Variants in BBOF1 observed in about 807,000 individuals in gnomAD.
BBOF1 encodes basal body orientation factor 1.
BBOF1 carries 62 observed loss-of-function variants against 68.0 expected under a neutral mutation model. The observed-to-expected ratio is 0.91, with a 90% CI of 0.74 to 1.13. The LOEUF (loss-of-function observed/expected upper bound fraction) is 1.13. Ranked by LOEUF, BBOF1 falls within the 50% of genes most tolerant of loss-of-function variation. The probability of loss-of-function intolerance (pLI) is 0.00; values close to 1 mark genes in which losing one functional copy is unlikely to be tolerated. For missense variants in BBOF1, 534 were observed against 600.1 expected (o/e 0.89, Z 1.15); for synonymous variants, 208 against 198.8 (o/e 1.05, Z -0.39).
At chr14:74,040,010 A>T (rs564444893) in intron 4 of BBOF1, among the ~76,000 whole-genome samples, 55 of 151,914 alleles carry the variant, frequency 3.6e-4, no homozygotes, top group South Asian at 1.0e-3. Flanking sequence ...ATATATATAT[A>T]TTTTTTGAGA....
intron 1 of BBOF1, among the ~76,000 whole-genome samples, chr14:74,020,629 G>A (rs1013892114): frequency 6.6e-6 from 1 of 151,930 alleles, no homozygotes; most frequent in Admixed American, 6.6e-5. Context: ...TCAGCCTCCC[G>A]AGTAGCTGTG....
chr14:74,066,499 T>C (rs568761816), downstream of BBOF1, among the ~76,000 whole-genome samples: 1 of 152,254 alleles, frequency 6.6e-6, no homozygotes, highest in African/African-American at 2.4e-5. Flanking sequence ...TTATGGAAAG[T>C]CTGCAGACTG....
intron 1 of BBOF1, among the ~76,000 whole-genome samples, chr14:74,019,952 G>A (rs776007848): frequency 1.3e-5 from 2 of 152,172 alleles, no homozygotes; most frequent in Non-Finnish European, 1.5e-5. Context: ...TGGACACGTT[G>A]GAGTCATACG....
chr14:74,024,316 C>T (rs939127899), intron 2 of BBOF1, among the ~76,000 whole-genome samples: 7 of 151,910 alleles, frequency 4.6e-5, no homozygotes, highest in East Asian at 3.9e-4. Flanking sequence ...AATAGCCAGG[C>T]GTGGCAGTGT....
intron 9 of BBOF1, among the ~76,000 whole-genome samples, chr14:74,076,141 A>G (rs1290727899): frequency 2.0e-5 from 3 of 152,220 alleles, no homozygotes; most frequent in African/African-American, 7.2e-5. Context: ...ACAGGTGTAT[A>G]CAAATGTTAA....
intron 11 of BBOF1, among the ~76,000 whole-genome samples, chr14:74,061,193 G>A (rs1355863705): frequency 6.6e-6 from 1 of 152,120 alleles, no homozygotes; most frequent in East Asian, 1.9e-4. Flanking sequence ...GGCCAGGCTG[G>A]TCTCGAACTC....
intron 11 of BBOF1, chr14:74,057,702 A>T: frequency 2.4e-6 from 3 of 1,256,834 alleles, no homozygotes; most frequent in African/African-American, 1.6e-5. Context: ...TTTGTTATTC[A>T]TAATTAGTAC....
chr14:74,032,133 T>A (rs111225879), intron 3 of BBOF1, among the ~76,000 whole-genome samples: 6,743 of 146,490 alleles, frequency 0.046, 253 homozygotes, highest in Non-Finnish European at 0.069. Flanking sequence ...TTTTTTTTTT[T>A]TTTTTTTTTT....
At chr14:74,020,957 A>G in intron 1 of BBOF1, among the ~76,000 whole-genome samples, 1 of 152,144 alleles carries the variant, frequency 6.6e-6, no homozygotes, top group East Asian at 1.9e-4. Context: ...GAAGAGAACA[A>G]AAGGTGAAAG....
At chr14:74,027,058 GAATA>G (rs995923193) in intron 2 of BBOF1, among the ~76,000 whole-genome samples, 2 of 145,668 alleles carry the variant, frequency 1.4e-5, no homozygotes, top group Admixed American at 1.4e-4. Context: ...ACACATACAT[GAATA>G]AATAAGGGAG....
intron 11 of BBOF1, chr14:74,060,834 T>A: frequency 1.1e-6 from 1 of 906,688 alleles, no homozygotes; most frequent in Non-Finnish European, 1.8e-6. Flanking sequence ...TATTATAAAG[T>A]GCTACTCACT....
chr14:74,079,823 C>G (rs950470101), intron 10 of BBOF1, among the ~76,000 whole-genome samples: 1 of 152,118 alleles, frequency 6.6e-6, no homozygotes, highest in African/African-American at 2.4e-5. Flanking sequence ...CCCACCTTGG[C>G]CTCCCAAAGT....
At chr14:74,029,856 T>C (rs1030030336) in intron 3 of BBOF1, among the ~76,000 whole-genome samples, 2 of 152,152 alleles carry the variant, frequency 1.3e-5, no homozygotes, top group South Asian at 2.1e-4. Context: ...CATGACTCTA[T>C]ACTAATACTT....
At chr14:74,025,031 G>A (rs2059394303) in intron 2 of BBOF1, among the ~76,000 whole-genome samples, 1 of 152,082 alleles carries the variant, frequency 6.6e-6, no homozygotes. Context: ...CCCTCCCAAA[G>A]TGTTGGGATT....
At chr14:74,079,421 T>C (rs1220765083) in intron 10 of BBOF1, among the ~76,000 whole-genome samples, 1 of 148,668 alleles carries the variant, frequency 6.7e-6, no homozygotes, top group Non-Finnish European at 1.5e-5. Flanking sequence ...TAATTTTTTT[T>C]TCTTATTGTT....
intron 5 of BBOF1, 62 bp from the exon 6 acceptor site, chr14:74,045,998 T>C (rs1255470280): frequency 2.8e-6 from 4 of 1,430,102 alleles, no homozygotes; most frequent in Non-Finnish European, 3.8e-6. Flanking sequence ...ATAAATATCT[T>C]TTGATGAGTA....
chr14:74,035,093 A>C (rs1016748070), intron 4 of BBOF1, among the ~76,000 whole-genome samples: 2 of 152,198 alleles, frequency 1.3e-5, no homozygotes, highest in Non-Finnish European at 2.9e-5. Flanking sequence ...ATGTCTCAAA[A>C]AAAAAGTAAA....
intron 3 of BBOF1, among the ~76,000 whole-genome samples, chr14:74,032,750 C>T (rs1218108229): frequency 6.6e-6 from 1 of 152,106 alleles, no homozygotes; most frequent in Non-Finnish European, 1.5e-5. Flanking sequence ...CCTCAGCCTC[C>T]CAAAGTGCTG....
chr14:74,044,390 T>C (rs2059901726), intron 5 of BBOF1, among the ~76,000 whole-genome samples: 1 of 152,176 alleles, frequency 6.6e-6, no homozygotes, highest in African/African-American at 2.4e-5. Flanking sequence ...GTTAGGGGAC[T>C]GTATAGCATC....
Sources: allele counts gnomAD v4.1 joint callset (sites outside exome capture counted in the v4.1 genomes callset), GRCh38; gene constraint gnomAD v4.1.1; transcripts MANE v1.5; gene names NCBI Gene and HGNC (gene_info 2026-07-23, HGNC 2026-07-21).